Variants in PDCD1LG2 observed in about 807,000 individuals in gnomAD.
PDCD1LG2 encodes B7 dendritic cell molecule.
PDCD1LG2 carries 32 observed loss-of-function variants against 28.2 expected under a neutral mutation model. The ratio of observed to expected loss-of-function variants is 1.13; its 90% confidence interval spans 0.86 to 1.52. PDCD1LG2 has a LOEUF of 1.52. PDCD1LG2 is among the 40% of genes most tolerant of loss of function. The probability of loss-of-function intolerance (pLI) is 0.00; values close to 1 mark genes in which losing one functional copy is unlikely to be tolerated. For missense variants in PDCD1LG2, 385 were observed against 323.8 expected (o/e 1.19, Z -1.45); for synonymous variants, 116 against 120.2 (o/e 0.97, Z 0.23).
chr9:5,530,156 T>C (rs538598570), intron 2 of PDCD1LG2, among the ~76,000 whole-genome samples: 15 of 152,336 alleles, frequency 9.8e-5, no homozygotes, highest in African/African-American at 2.9e-4. Context: ...CTGACTACCA[T>C]TGATGCTTCA....
intron 6 of PDCD1LG2, among the ~76,000 whole-genome samples, chr9:5,563,583 T>G (rs1240887742): frequency 6.6e-6 from 1 of 151,840 alleles, no homozygotes. Flanking sequence ...GAGTCAAGAG[T>G]AATATGGGAA....
chr9:5,537,533 A>G (rs560739868), intron 3 of PDCD1LG2, among the ~76,000 whole-genome samples: 2 of 152,356 alleles, frequency 1.3e-5, no homozygotes, highest in African/African-American at 2.4e-5. Context: ...TATACACCAT[A>G]GAATACTATG....
At chr9:5,568,205 T>A (rs889562452) in intron 6 of PDCD1LG2, among the ~76,000 whole-genome samples, 7 of 152,206 alleles carry the variant, frequency 4.6e-5, no homozygotes, top group Admixed American at 2.6e-4. Context: ...CCATATCATA[T>A]TTGTCCCTAC....
intron 3 of PDCD1LG2, among the ~76,000 whole-genome samples, chr9:5,544,352 G>A (rs1428578043): frequency 2.6e-5 from 4 of 152,218 alleles, no homozygotes; most frequent in African/African-American, 9.6e-5. Flanking sequence ...TCACTTGACA[G>A]ACACTGGAAC....
Position 5,532,703 on chromosome 9 carries a change from G to C in PDCD1LG2, c.56-2042G>C, listed in dbSNP as rs576621816. ...AAAAGTTACTTATACTGTGAAATCT[G>C]ATCAGAGAATGGACTGTCCTGGTTA... On this transcript the variant is annotated intron_variant, in intron 2 of 6. Transcript: ENST00000397747. 2.0e-5 allele frequency among the ~76,000 whole-genome samples: 3 copies of C among 152,334 alleles called. 1 individual carries two copies. Among genetic ancestry groups the C allele is most frequent in the Admixed American group, 2.0e-4 (3 of 15,304 alleles).
intron 1 of PDCD1LG2, among the ~76,000 whole-genome samples, chr9:5,511,400 G>A (rs991302718): frequency 1.3e-5 from 2 of 152,204 alleles, no homozygotes; most frequent in East Asian, 3.8e-4. Flanking sequence ...AAACAGAACT[G>A]AAATAATTGC....
intron 3 of PDCD1LG2, among the ~76,000 whole-genome samples, chr9:5,540,223 T>A (rs2129825330): frequency 6.6e-6 from 1 of 152,308 alleles, no homozygotes; most frequent in Non-Finnish European, 1.5e-5. Flanking sequence ...AACTCTGGGA[T>A]ACAGCAAAAG....
At chr9:5,561,757 C>G (rs1442649954) in intron 5 of PDCD1LG2, among the ~76,000 whole-genome samples, 2 of 152,126 alleles carry the variant, frequency 1.3e-5, no homozygotes, top group Non-Finnish European at 2.9e-5. Flanking sequence ...AACAGTTCAC[C>G]TACCAGCACC....
rs2129797070 is a variant in PDCD1LG2 at position 5,535,066 on chromosome 9, G to T, written c.361+16G>T. The T allele has an allele frequency of 6.3e-7, 1 of 1,576,318 alleles. No homozygotes were observed. Among genetic ancestry groups the T allele is most frequent in the Non-Finnish European group, 8.6e-7 (1 of 1,160,862 alleles). ...AAAGTCAAAGGTGAGTGGTGTCAAGGACTAGAATCCATGGAAGCATCTCTC... is the reference window on the plus strand; with the variant it reads ...AAAGTCAAAGGTGAGTGGTGTCAAGTACTAGAATCCATGGAAGCATCTCTC... On this transcript the variant is annotated intron_variant, in intron 3 of 6. Coordinates refer to ENST00000397747, the MANE Select transcript of PDCD1LG2 (RefSeq NM_025239.4).
At position 5,524,066 on chromosome 9, in the gene PDCD1LG2, T is replaced by C. The variant is rs770967621; in HGVS notation, c.55+1465T>C. Among the ~76,000 whole-genome samples, 37 of 152,236 alleles carry C rather than the reference T, an allele frequency of 2.4e-4. 1 individual carries two copies. Among genetic ancestry groups the C allele is most frequent in the Non-Finnish European group, 4.6e-4 (31 of 68,038 alleles). On this transcript the variant is annotated intron_variant, in intron 2 of 6. Transcript: ENST00000397747. ...GCAAAAGGAAGAGCATTTACATTTATTGAAGATTCACTAAATGCCAGATAC... is the reference window on the plus strand; with the variant it reads ...GCAAAAGGAAGAGCATTTACATTTACTGAAGATTCACTAAATGCCAGATAC...
At chr9:5,525,448 G>A (rs1408336440) in intron 2 of PDCD1LG2, among the ~76,000 whole-genome samples, 1 of 151,552 alleles carries the variant, frequency 6.6e-6, no homozygotes, top group Non-Finnish European at 1.5e-5. Flanking sequence ...CCAGGAGTAG[G>A]TCTAGAAGAA....
intron 3 of PDCD1LG2, among the ~76,000 whole-genome samples, chr9:5,543,781 G>A (rs1490890144): frequency 6.6e-6 from 1 of 151,186 alleles, no homozygotes; most frequent in Non-Finnish European, 1.5e-5. Context: ...GCCTGCAGTA[G>A]CGGGAAGCCT....
At chr9:5,534,620 G>A (rs1820544790) in intron 2 of PDCD1LG2, 125 bp from the exon 3 acceptor site, 3 of 789,000 alleles carry the variant, frequency 3.8e-6, no homozygotes, top group African/African-American at 1.7e-5. Flanking sequence ...TTCGCCACGG[G>A]AATGTCCAGA....
At chr9:5,533,495 G>A (rs1039808715) in intron 2 of PDCD1LG2, among the ~76,000 whole-genome samples, 1 of 152,174 alleles carries the variant, frequency 6.6e-6, no homozygotes, top group African/African-American at 2.4e-5. Flanking sequence ...ATCCTACCCA[G>A]ATACTGTTAT....
intron 3 of PDCD1LG2, among the ~76,000 whole-genome samples, chr9:5,538,631 T>G (rs900091026): frequency 2.0e-5 from 3 of 150,968 alleles, no homozygotes; most frequent in Non-Finnish European, 4.4e-5. Flanking sequence ...GAGCTTGTAG[T>G]GAGCCGAGAT....
Position 5,569,851 on chromosome 9 carries a change from G to T in PDCD1LG2, c.817-103G>T. ...TAAACCATGCGGCTTCCAGCTAGAT[G>T]AACTTTTTTAAAAAAATTAGTTCCT... On this transcript the variant is annotated intron_variant, in intron 6 of 6. Coordinates refer to ENST00000397747, the MANE Select transcript of PDCD1LG2 (RefSeq NM_025239.4). The surrounding 1 kb of genome is among the most constrained non-coding windows in gnomAD (Gnocchi z 4.1). 1 of 1,194,994 alleles carries T rather than the reference G, an allele frequency of 8.4e-7. No homozygotes were observed. The highest frequency in any genetic ancestry group is 1.8e-5 in the Admixed American group (1 of 54,162). The allele number at this position is 1,194,994 out of a possible 1,614,324, so 74.0% of individuals were successfully genotyped here.
intron 4 of PDCD1LG2, among the ~76,000 whole-genome samples, chr9:5,550,653 C>T (rs1275803995): frequency 6.6e-6 from 1 of 152,020 alleles, no homozygotes; most frequent in Non-Finnish European, 1.5e-5. Context: ...AGGCAGCAAC[C>T]CTATCATTCA....
chr9:5,551,645 G>A (rs1335492119), intron 4 of PDCD1LG2, among the ~76,000 whole-genome samples: 2 of 152,154 alleles, frequency 1.3e-5, no homozygotes, highest in Non-Finnish European at 2.9e-5. Context: ...CCCAGTATCC[G>A]TAGCATCAGA....
chr9:5,520,480 A>G (rs1365384567), intron 1 of PDCD1LG2, among the ~76,000 whole-genome samples: 1 of 152,208 alleles, frequency 6.6e-6, no homozygotes, highest in East Asian at 1.9e-4. Context: ...TAAGGCTCCA[A>G]ATTTGTTCTT....
Sources: gnomAD v4.1 joint callset for allele counts (sites outside exome capture counted in the v4.1 genomes callset) on GRCh38, gnomAD v4.1.1 for gene constraint, Gnocchi (gnomAD v3.1) non-coding constraint, MANE v1.5 for transcripts, NCBI Gene and HGNC (gene_info 2026-07-23, HGNC 2026-07-21) for gene names.